Variants in SLC22A14 observed in about 807,000 individuals in gnomAD.
SLC22A14 encodes the protein organic cation transporter-like 4.
In SLC22A14, 50 loss-of-function variants were observed where a neutral mutation model predicts 53.9. The observed-to-expected ratio is 0.93, with a 90% CI of 0.74 to 1.17. The LOEUF (loss-of-function observed/expected upper bound fraction) is 1.17. SLC22A14 is among the 50% of genes most tolerant of loss of function. SLC22A14 has a pLI of 0.00. For synonymous variants in SLC22A14, 312 were observed against 303.0 expected (o/e 1.03, Z -0.31); for missense variants, 671 against 734.7 (o/e 0.91, Z 1.00).
At chr3:38,284,931 C>T (rs1237145032) in intron 1 of SLC22A14, among the ~76,000 whole-genome samples, 1 of 152,094 alleles carries the variant, frequency 6.6e-6, no homozygotes, top group Admixed American at 6.5e-5. Context: ...CATTACGAGC[C>T]TATGTTATAA....
chr3:38,283,488 A>C (rs1703719041), intron 1 of SLC22A14, among the ~76,000 whole-genome samples: 2 of 152,056 alleles, frequency 1.3e-5, no homozygotes, highest in South Asian at 4.2e-4. Context: ...GACAAGTGAA[A>C]TGGGGAAATG....
intron 6 of SLC22A14, 105 bp downstream of exon 6, chr3:38,313,224 G>C (rs760593554): frequency 4.0e-6 from 6 of 1,507,758 alleles, no homozygotes; most frequent in Non-Finnish European, 5.5e-6. Flanking sequence ...GGTGCCCCCA[G>C]TCCACTGCTT....
At chr3:38,290,126 T>C (rs1703880523) in intron 1 of SLC22A14, among the ~76,000 whole-genome samples, 1 of 152,208 alleles carries the variant, frequency 6.6e-6, no homozygotes. Context: ...CCTTCCCAGA[T>C]AGGCTTAGGG....
intron 8 of SLC22A14, among the ~76,000 whole-genome samples, chr3:38,314,351 T>A (rs1269946239): frequency 6.6e-6 from 1 of 152,218 alleles, no homozygotes; most frequent in African/African-American, 2.4e-5. Context: ...TTGTTCCCTG[T>A]AGCTTCACCA....
upstream of SLC22A14, among the ~76,000 whole-genome samples, chr3:38,280,669 C>T (rs2125865944): frequency 6.7e-6 from 1 of 150,330 alleles, no homozygotes; most frequent in African/African-American, 2.4e-5. Flanking sequence ...CAGTTTGTCA[C>T]CCAGGCTGGA....
intron 1 of SLC22A14, among the ~76,000 whole-genome samples, chr3:38,285,434 G>C (rs1310882752): frequency 6.6e-6 from 1 of 152,160 alleles, no homozygotes; most frequent in Non-Finnish European, 1.5e-5. Flanking sequence ...TCTCCCCTCA[G>C]AGATGGTTTC....
intron 1 of SLC22A14, among the ~76,000 whole-genome samples, chr3:38,295,618 C>G (rs1575407721): frequency 1.3e-5 from 2 of 151,990 alleles, no homozygotes; most frequent in Admixed American, 1.3e-4. Flanking sequence ...TAAATTTACC[C>G]TGGCTTTTAA....
intron 1 of SLC22A14, chr3:38,305,663 C>CGTATCAT: frequency 1.4e-5 from 3 of 208,012 alleles, no homozygotes; most frequent in South Asian, 2.3e-4. Context: ...GAAAAGGTCC[C>CGTATCAT]TAGAGACCTC....
chr3:38,283,688 G>C (rs773419089), intron 1 of SLC22A14, among the ~76,000 whole-genome samples: 18 of 152,150 alleles, frequency 1.2e-4, no homozygotes, highest in Non-Finnish European at 1.9e-4. Context: ...AAATTAGCCA[G>C]GCGTGGTGGC....
At chr3:38,297,360 C>T (rs960339424) in intron 1 of SLC22A14, among the ~76,000 whole-genome samples, 1 of 152,138 alleles carries the variant, frequency 6.6e-6, no homozygotes, top group Non-Finnish European at 1.5e-5. Flanking sequence ...TGGGAAAGTT[C>T]CTCAGCCTTT....
intron 1 of SLC22A14, among the ~76,000 whole-genome samples, chr3:38,284,239 C>T (rs1031190916): frequency 6.6e-6 from 1 of 152,176 alleles, no homozygotes; most frequent in Non-Finnish European, 1.5e-5. Context: ...CCGCCCTGTC[C>T]GATAGTAGAG....
intron 5 of SLC22A14, 40 bp from the exon 6 acceptor site, chr3:38,312,959 A>G (rs1171034924): frequency 6.4e-7 from 1 of 1,565,302 alleles, no homozygotes; most frequent in East Asian, 2.3e-5. Context: ...GTCTCTGGGC[A>G]TCATAGAACG....
intron 1 of SLC22A14, among the ~76,000 whole-genome samples, chr3:38,286,417 T>C (rs1575399588): frequency 6.6e-6 from 1 of 151,834 alleles, no homozygotes; most frequent in Admixed American, 6.6e-5. Flanking sequence ...TTTTCTTTTC[T>C]TTTCTTTTTT....
intron 9 of SLC22A14, among the ~76,000 whole-genome samples, chr3:38,316,106 T>G (rs1704610775): frequency 6.6e-6 from 1 of 152,196 alleles, no homozygotes; most frequent in African/African-American, 2.4e-5. Context: ...GCCTGTGTCC[T>G]CTCCCCGCAC....
In SLC22A14 at chr3:38,307,068, A is replaced by G. The variant is rs1324929706; in HGVS notation, c.517-186A>G. ...GTCACTCTCTCCAGGCCCAGCTCTC[A>G]GGGTGGAGCAGGTGCCAGAGGGGTT... is the stretch of plus-strand genomic sequence containing the variant. On this transcript the variant is annotated intron_variant, in intron 2 of 10. Transcript: ENST00000448498. This position sits in a 1 kb window ranked among gnomAD's most constrained non-coding sequence, Gnocchi z 4.4. 2.0e-5 allele frequency among the ~76,000 whole-genome samples: 3 copies of G among 152,252 alleles called. No homozygotes were observed. Among genetic ancestry groups the G allele is most frequent in the South Asian group, 2.1e-4 (1 of 4,822 alleles).
At chr3:38,290,070 G>A (rs866409186) in intron 1 of SLC22A14, among the ~76,000 whole-genome samples, 1 of 152,134 alleles carries the variant, frequency 6.6e-6, no homozygotes, top group Non-Finnish European at 1.5e-5. Context: ...GATTAGTCGG[G>A]TGTGAGCTAA....
rs116947022 is a variant in SLC22A14 at position 38,295,008 on chromosome 3, C to G, written c.1-11019C>G. Among the ~76,000 whole-genome samples, 257 of 152,332 alleles carry G rather than the reference C, an allele frequency of 1.7e-3. 10 individuals are homozygous for G. In the East Asian group the frequency reaches 0.045, roughly 27 times the overall value. ...ACTTTAAGGCTTGGCTGAGTGCAAA[C>G]AGATCCAACGTTTGAGCAGACCAAT... On this transcript the variant is annotated intron_variant, in intron 1 of 10. Transcript: ENST00000448498.
In SLC22A14 at chr3:38,316,521, T is replaced by C. The variant is rs546920744; in HGVS notation, c.1730T>C (p.Ile577Thr). The C allele has an allele frequency of 2.2e-5, 35 of 1,613,798 alleles. No homozygotes were observed. The Admixed American group carries it at 3.5e-4, about 16-fold the overall frequency. The change falls in exon 10 of 11, where the codon ATA becomes ACA. Residue 577 changes from isoleucine to threonine, a missense_variant. By Grantham distance (89) the Ile-to-Thr change is moderately conservative. Transcript: ENST00000448498. ...LSESLNHSSQ[I>T]RNKVKDMKTK... Reference sequence around the variant, plus strand: ...GAGAGCCTGAACCACTCCTCACAGATAAGGTAGGTGTGGGAGCCTCCTGGG... The same window carrying C: ...GAGAGCCTGAACCACTCCTCACAGACAAGGTAGGTGTGGGAGCCTCCTGGG...
At chr3:38,299,066 TC>T (rs1704105028) in intron 1 of SLC22A14, among the ~76,000 whole-genome samples, 1 of 152,260 alleles carries the variant, frequency 6.6e-6, no homozygotes. Flanking sequence ...ATGCTATTTT[TC>T]AGTTACTTAG....
Sources: allele counts gnomAD v4.1 joint callset (sites outside exome capture counted in the v4.1 genomes callset), GRCh38; gene constraint gnomAD v4.1.1; non-coding constraint Gnocchi (gnomAD v3.1); transcripts MANE v1.5; gene names NCBI Gene and HGNC (gene_info 2026-07-23, HGNC 2026-07-21).